DDX19B: variants seen among roughly 807,000 people sequenced by gnomAD.
The protein encoded by DDX19B is ATP-dependent RNA helicase DDX19B.
A neutral mutation model predicts 58.1 loss-of-function variants in DDX19B; 27 were observed. That is an observed-to-expected ratio of 0.46 (90% CI 0.34 to 0.64). The LOEUF (loss-of-function observed/expected upper bound fraction) is 0.64. DDX19B is among the 30% of genes least tolerant of loss of function. The pLI is 0.01. For missense variants in DDX19B, 399 were observed against 596.5 expected (o/e 0.67, Z 3.45); for synonymous variants, 187 against 214.4 (o/e 0.87, Z 1.12).
In DDX19B at chr16:70,316,100, C is replaced by T. The variant is rs747948624; in HGVS notation, c.292C>T (p.Arg98Trp). The T allele has an allele frequency of 6.2e-6, 10 of 1,613,900 alleles. No homozygotes were observed. Among genetic ancestry groups the T allele is most frequent in the Non-Finnish European group, 6.8e-6 (8 of 1,180,024 alleles). The change falls in exon 4 of 12, where the codon CGG becomes TGG. Residue 98 changes from arginine to tryptophan, a missense_variant. Arg to Trp is a moderately radical substitution (Grantham distance 101). Coordinates refer to ENST00000288071, the MANE Select transcript of DDX19B (RefSeq NM_007242.7). ...CTCGGTGAAGTCTTTTGAAGAGCTT[C>T]GGCTGTGAGTATTTATTCACCTTCT... ...LYSVKSFEEL[R>W]LKPQLLQGVY...
rs779276618 is a variant in DDX19B, at chr16:70,329,944, A to T, written c.899A>T (p.Glu300Val). The T allele has an allele frequency of 1.3e-5, 21 of 1,614,262 alleles. No homozygotes were observed. Among genetic ancestry groups the T allele is most frequent in the Admixed American group, 1.7e-5 (1 of 60,022 alleles). ...CCAAACGTTATCAAACTGAAGCGTG[A>T]GGAAGAGACCCTGGACACCATCAAG... ...PDPNVIKLKR[E>V]EETLDTIKQY... The change falls in exon 9 of 12, where the codon GAG becomes GTG. Residue 300 changes from glutamate to valine, a missense_variant. Physicochemically the swap from Glu to Val is moderately radical, Grantham distance 121. This residue lies in a region of DDX19B where 198 missense variants were observed against 345.9 expected (regional missense o/e 0.57). Transcript: ENST00000288071.
At chr16:70,307,555 G>T (rs1961823550) in intron 1 of DDX19B, among the ~76,000 whole-genome samples, 1 of 149,394 alleles carries the variant, frequency 6.7e-6, no homozygotes, top group Admixed American at 6.7e-5. Context: ...TAGAGATGGG[G>T]TTTCATCATG....
chr16:70,301,921 A>ATTT (rs772503910), intron 1 of DDX19B, among the ~76,000 whole-genome samples: 13 of 130,274 alleles, frequency 1.0e-4, no homozygotes, highest in African/African-American at 3.1e-4. Flanking sequence ...TGGCCCTTTA[A>ATTT]TTTTTTTTTT....
intron 5 of DDX19B, among the ~76,000 whole-genome samples, chr16:70,321,989 C>T (rs149007639): frequency 3.6e-4 from 54 of 150,046 alleles, no homozygotes; most frequent in African/African-American, 1.2e-3. Context: ...GAGCTGAGAT[C>T]GCGCCATTGG....
At chr16:70,294,507 A>G (rs1597457531), upstream of DDX19B, among the ~76,000 whole-genome samples, 1 of 152,204 alleles carries the variant, frequency 6.6e-6, no homozygotes, top group Non-Finnish European at 1.5e-5. Flanking sequence ...AAATTTTTAA[A>G]AAGTTTGACC....
At chr16:70,321,783 C>G (rs1404732605) in intron 5 of DDX19B, among the ~76,000 whole-genome samples, 1 of 152,134 alleles carries the variant, frequency 6.6e-6, no homozygotes, top group Non-Finnish European at 1.5e-5. Context: ...CCTGTAATCC[C>G]AGCCCTTTGG....
In DDX19B at chr16:70,335,287, T is replaced by C. The variant is rs1000407161; in HGVS notation, c.*1705T>C. ...AACAAGGGCAATAATTAAAGAAGTA[T>C]AGACTCTTTAGTAGGCCACAGGCAG... On this transcript the variant is annotated 3_prime_UTR_variant, in exon 12 of 12. Transcript: ENST00000288071. 6 of 152,182 alleles carry C rather than the reference T, an allele frequency of 3.9e-5. No homozygotes were observed. Among genetic ancestry groups the C allele is most frequent in the African/African-American group, 9.7e-5 (4 of 41,448 alleles). The allele number at this position is 152,182 out of a possible 1,614,324, so 9.4% of individuals were successfully genotyped here. A position where few individuals can be genotyped will look rare whatever the true frequency, so the allele number is the denominator to read the frequency against.
In DDX19B at chr16:70,322,365, C is replaced by T. The variant is rs1597489742; in HGVS notation, c.390-2220C>T. On this transcript the variant is annotated intron_variant, in intron 5 of 11. Transcript: ENST00000288071. The stretch of plus-strand genomic sequence containing the variant: ...CAGGACTCTGGAATGCTGAAGTGGG[C>T]GGATCACTTGAGGTCAGGAGTTCAA... 2.6e-5 allele frequency among the ~76,000 whole-genome samples: 4 copies of T among 151,836 alleles called. No individual in the cohort carries two copies. The South Asian group carries it at 8.3e-4, about 32-fold the overall frequency.
chr16:70,290,452 G>A (rs530534018), upstream of DDX19B, among the ~76,000 whole-genome samples: 35 of 152,238 alleles, frequency 2.3e-4, no homozygotes, highest in Non-Finnish European at 5.9e-5. Flanking sequence ...CCTTGACCTC[G>A]GGAGGCGGAA....
intron 1 of DDX19B, among the ~76,000 whole-genome samples, chr16:70,308,753 G>A (rs1278537962): frequency 6.7e-6 from 1 of 150,236 alleles, no homozygotes; most frequent in Non-Finnish European, 1.5e-5. Flanking sequence ...CCTCAAGGGA[G>A]CCTCCCATTT....
intron 1 of DDX19B, among the ~76,000 whole-genome samples, chr16:70,303,030 C>T (rs923597673): frequency 6.6e-6 from 1 of 152,202 alleles, no homozygotes; most frequent in Non-Finnish European, 1.5e-5. Context: ...TATGTAACTT[C>T]TTTGAAGTGG....
chr16:70,332,698 A>C (rs979117090), intron 10 of DDX19B, among the ~76,000 whole-genome samples: 1 of 151,320 alleles, frequency 6.6e-6, no homozygotes, highest in African/African-American at 2.4e-5. Flanking sequence ...TCTGTCTCCA[A>C]CTCTCAGGGA....
chr16:70,308,278 G>C (rs1961878264), intron 1 of DDX19B, among the ~76,000 whole-genome samples: 1 of 151,544 alleles, frequency 6.6e-6, no homozygotes, highest in Non-Finnish European at 1.5e-5. Context: ...TTTTAAGACA[G>C]AGTCTCACTC....
chr16:70,316,881 G>C (rs993276890), intron 4 of DDX19B, among the ~76,000 whole-genome samples: 1 of 151,914 alleles, frequency 6.6e-6, no homozygotes, highest in African/African-American at 2.4e-5. Flanking sequence ...GACCAGCGTG[G>C]CCAACATGGT....
At chr16:70,329,701 G>GCTC in intron 8 of DDX19B, 130 bp from the exon 9 acceptor site, 1 of 1,341,676 alleles carries the variant, frequency 7.5e-7, no homozygotes, top group Non-Finnish European at 1.0e-6. Flanking sequence ...CAGGCCTGCT[G>GCTC]CTCCTCCTCC....
intron 1 of DDX19B, 103 bp downstream of exon 1, chr16:70,299,457 T>G (rs946024903): frequency 1.5e-6 from 2 of 1,339,012 alleles, no homozygotes; most frequent in African/African-American, 1.5e-5. Flanking sequence ...CTGGATGGGG[T>G]GGCGGGGAGG....
chr16:70,312,485 C>A, intron 1 of DDX19B, 124 bp from the exon 2 acceptor site: 1 of 823,890 alleles, frequency 1.2e-6, no homozygotes, highest in Non-Finnish European at 2.0e-6. Context: ...ATGAATTGGT[C>A]CTAATGAATA....
intron 1 of DDX19B, among the ~76,000 whole-genome samples, chr16:70,304,760 TTTTC>T (rs1426261395): frequency 2.6e-5 from 4 of 152,066 alleles, no homozygotes; most frequent in Non-Finnish European, 5.9e-5. Flanking sequence ...TCTCTTTTTT[TTTTC>T]TTTCTTTCTT....
intron 3 of DDX19B, chr16:70,315,742 G>A: frequency 2.1e-6 from 1 of 477,376 alleles, no homozygotes. Flanking sequence ...GGAAAAGAGG[G>A]CTGTTAGAAT....
Sources: allele counts gnomAD v4.1 joint callset (sites outside exome capture counted in the v4.1 genomes callset), GRCh38; gene constraint gnomAD v4.1.1; regional missense constraint gnomAD v4.1.1; transcripts MANE v1.5; gene names NCBI Gene and HGNC (gene_info 2026-07-23, HGNC 2026-07-21).